NWD2: variants seen among roughly 807,000 people sequenced by gnomAD.
NWD2 encodes the protein NACHT and WD repeat domain-containing protein 2.
A neutral mutation model predicts 132.7 loss-of-function variants in NWD2; 37 were observed. That is an observed-to-expected ratio of 0.28 (90% CI 0.21 to 0.37). The LOEUF (loss-of-function observed/expected upper bound fraction) is 0.37, where lower values mean the gene tolerates loss of function less well. Among genes scored for constraint, NWD2 ranks in the 10% least tolerant of loss-of-function variants. The pLI is 1.00. For missense variants in NWD2, 1,592 were observed against 2,122.4 expected (o/e 0.75, Z 4.91); for synonymous variants, 705 against 803.0 (o/e 0.88, Z 2.06).
Position 37,443,827 on chromosome 4 carries a change from G to A in NWD2, c.1839G>A (p.Val613=), listed in dbSNP as rs1452268380. ...ALSKCTLPMF[V]NLTFREVRHW... is the part of the protein sequence containing the mutation. ...CCAAGTGCACACTGCCAATGTTTGT[G>A]AACCTGACCTTCAGGGAGGTGAGGC... The change falls in exon 7 of 7, where the codon GTG becomes GTA. Residue 613 remains valine, a synonymous_variant. Coordinates refer to ENST00000309447, the MANE Select transcript of NWD2 (RefSeq NM_001144990.2). The surrounding 1 kb of genome is among the most constrained non-coding windows in gnomAD (Gnocchi z 4.1). 1.9e-6 allele frequency: 3 copies of A among 1,552,058 alleles called. No homozygotes were observed. The highest frequency in any genetic ancestry group is 2.0e-5 in the Admixed American group (1 of 50,986).
chr4:37,421,937 A>G lies in NWD2; in HGVS notation c.358-8635A>G, dbSNP rs1364728591. ...GAGGGCTGTCTTTCAGACTAGAATAAGGACCATCTTCTCGCTGTGTCCTCA... is the reference window on the plus strand; with the variant it reads ...GAGGGCTGTCTTTCAGACTAGAATAGGGACCATCTTCTCGCTGTGTCCTCA... On this transcript the variant is annotated intron_variant, in intron 3 of 6. Coordinates refer to ENST00000309447, the MANE Select transcript of NWD2 (RefSeq NM_001144990.2). 2.6e-5 allele frequency among the ~76,000 whole-genome samples: 4 copies of G among 152,200 alleles called. No individual in the cohort carries two copies. In the South Asian group the frequency reaches 8.3e-4, roughly 32 times the overall value.
chr4:37,397,033 C>CA (rs11298140), intron 3 of NWD2, among the ~76,000 whole-genome samples: 237 of 149,326 alleles, frequency 1.6e-3, no homozygotes, highest in African/African-American at 5.5e-3. Flanking sequence ...AACTCTGTTG[C>CA]AAAAAAAAAA....
At position 37,398,235 on chromosome 4, in the gene NWD2, T is replaced by G. The variant is rs185670976; in HGVS notation, c.358-32337T>G. Among the ~76,000 whole-genome samples the G allele has an allele frequency of 5.5e-3, 832 of 152,218 alleles. 4 individuals carry two copies. The highest frequency in any genetic ancestry group is 7.5e-3 in the Non-Finnish European group (507 of 68,018). ...AACTTATCCAGGGTCATAAACAAAA[T>G]GTGGCACATATACACCATGGAATAC... On this transcript the variant is annotated intron_variant, in intron 3 of 6. Coordinates refer to ENST00000309447, the MANE Select transcript of NWD2 (RefSeq NM_001144990.2).
rs567881077 is a variant in NWD2 at position 37,446,471 on chromosome 4, G to T, written c.4483G>T (p.Val1495Leu). 31 of 1,551,568 alleles carry T rather than the reference G, an allele frequency of 2.0e-5. No individual in the cohort carries two copies. The highest frequency in any genetic ancestry group is 1.8e-4 in the South Asian group (15 of 84,060). Residue 1495 changes from valine to leucine, a missense_variant, in exon 7 of 7, where the codon GTG becomes TTG. This residue lies in a region of NWD2 where 257 missense variants were observed against 335.0 expected (regional missense o/e 0.77). Coordinates refer to ENST00000309447, the MANE Select transcript of NWD2 (RefSeq NM_001144990.2). This position sits in a 1 kb window ranked among gnomAD's most constrained non-coding sequence, Gnocchi z 6.7. ...KLIPDCPDII[V>L]FITSAETVNI... ...AATCCCTGACTGTCCTGATATCATCGTGTTTATCACATCGGCCGAGACTGT... is the reference window on the plus strand; with the variant it reads ...AATCCCTGACTGTCCTGATATCATCTTGTTTATCACATCGGCCGAGACTGT...
At chr4:37,324,932 C>G (rs1719140191) in intron 1 of NWD2, among the ~76,000 whole-genome samples, 2 of 152,126 alleles carry the variant, frequency 1.3e-5, no homozygotes, top group South Asian at 4.1e-4. Flanking sequence ...AAACGGTTAT[C>G]TTTGTTATAA....
Position 37,445,652 on chromosome 4 carries a change from G to T in NWD2, c.3664G>T (p.Val1222Leu), listed in dbSNP as rs1712613665. The T allele has an allele frequency of 6.4e-7, 1 of 1,552,266 alleles. No individual in the cohort carries two copies. Among genetic ancestry groups the T allele is most frequent in the Non-Finnish European group, 8.7e-7 (1 of 1,147,134 alleles). The change falls in exon 7 of 7, where the codon GTG becomes TTG. Residue 1222 changes from valine (V) to leucine (L), a missense_variant. Val to Leu is a conservative substitution (Grantham distance 32). This residue lies in a region of NWD2 where 1,071 missense variants were observed against 1,398.0 expected (regional missense o/e 0.77). Transcript: ENST00000309447. This position sits in a 1 kb window ranked among gnomAD's most constrained non-coding sequence, Gnocchi z 4.7. The stretch of plus-strand genomic sequence containing the variant: ...GCTCTTAGATACTGGTCTGTGGAAG[G>T]TGGCTGAAAAGTTCAGAGCCAAGCA... The part of the protein sequence containing the change: ...IELLDTGLWK[V>L]AEKFRAKHNE...
chr4:37,441,675 C>G (rs1712487709), intron 6 of NWD2, among the ~76,000 whole-genome samples: 1 of 152,212 alleles, frequency 6.6e-6, no homozygotes, highest in South Asian at 2.1e-4. Context: ...CTGAGTCTGT[C>G]TATTGACTAT....
At position 37,325,847 on chromosome 4, in the gene NWD2, G is replaced by C. The variant is rs911368385; in HGVS notation, c.152-89G>C. 1.6e-5 allele frequency: 12 copies of C among 729,256 alleles called. No homozygotes were observed. The African/African-American group carries it at 2.0e-4, about 12-fold the overall frequency. The allele number at this position is 729,256 out of a possible 1,614,324, so 45.2% of individuals were successfully genotyped here. ...AGCACCTCAACTTGATTGTATTACT[G>C]TTAGTATTTATTTTTAGGTTTTCAT... On this transcript the variant is annotated intron_variant, in intron 1 of 6. Transcript: ENST00000309447.
Position 37,443,613 on chromosome 4 carries a change from T to G in NWD2, c.1625T>G (p.Val542Gly). 1 of 1,551,880 alleles carries G rather than the reference T, an allele frequency of 6.4e-7. No individual in the cohort carries two copies. Among genetic ancestry groups the G allele is most frequent in the Admixed American group, 2.0e-5 (1 of 50,996 alleles). Residue 542 changes from valine (V) to glycine (G), a missense_variant, in exon 7 of 7, where the codon GTC (valine) becomes GGC (glycine). Val to Gly is a moderately radical substitution (Grantham distance 109). Transcript: ENST00000309447. The surrounding 1 kb of genome is among the most constrained non-coding windows in gnomAD (Gnocchi z 4.1). ...CACCTGCCCCGCTTTGTCCGGATAG[T>G]CCTTTCCACGCTGCCCAACAAACAT... The part of the protein sequence containing the change: ...PAHLPRFVRI[V>G]LSTLPNKHGI...
rs1712428493 is a variant in NWD2, at chr4:37,439,626, T to C, written c.1296+236T>C. 6.6e-6 allele frequency among the ~76,000 whole-genome samples: 1 copy of C among 152,204 alleles called. No homozygotes were observed. Among genetic ancestry groups the C allele is most frequent in the South Asian group, 2.1e-4 (1 of 4,830 alleles). ...TTTTTTCTTTCACTGTTCAGACTCATGTTGTGGGCTAGTTCCCATCCCTCA... is the reference window on the plus strand; with the variant it reads ...TTTTTTCTTTCACTGTTCAGACTCACGTTGTGGGCTAGTTCCCATCCCTCA... On this transcript the variant is annotated intron_variant, in intron 6 of 6. Coordinates refer to ENST00000309447, the MANE Select transcript of NWD2 (RefSeq NM_001144990.2). This position sits in a 1 kb window ranked among gnomAD's most constrained non-coding sequence, Gnocchi z 4.5.
chr4:37,444,121 C>G lies in NWD2; in HGVS notation c.2133C>G (p.Leu711=). ...TACCTTACTTGTACATTGCAAGGCT[C>G]AAGGAGGGTCTCAGTGGATACCTAA... ...LRVPYLYIAR[L]KEGLSGYLIE... Residue 711 remains leucine (L), a synonymous_variant, in exon 7 of 7, where the codon CTC becomes CTG. Coordinates refer to ENST00000309447, the MANE Select transcript of NWD2 (RefSeq NM_001144990.2). This position sits in a 1 kb window ranked among gnomAD's most constrained non-coding sequence, Gnocchi z 4.8. 6.4e-7 allele frequency: 1 copy of G among 1,551,702 alleles called. No homozygotes were observed. The highest frequency in any genetic ancestry group is 8.7e-7 in the Non-Finnish European group (1 of 1,146,992).
chr4:37,427,804 A>G (rs1712049592), intron 3 of NWD2, among the ~76,000 whole-genome samples: 1 of 152,108 alleles, frequency 6.6e-6, no homozygotes, highest in African/African-American at 2.4e-5. Flanking sequence ...GAGATGGCTT[A>G]TGTGCTAAGG....
intron 3 of NWD2, among the ~76,000 whole-genome samples, chr4:37,408,064 C>CA (rs1278892367): frequency 6.6e-6 from 1 of 152,216 alleles, no homozygotes; most frequent in Non-Finnish European, 1.5e-5. Context: ...TCTACTCCAT[C>CA]AGGGCCCTGG....
At chr4:37,378,045 T>C (rs1457577751) in intron 3 of NWD2, among the ~76,000 whole-genome samples, 1 of 152,222 alleles carries the variant, frequency 6.6e-6, no homozygotes, top group Non-Finnish European at 1.5e-5. Context: ...AAATTAATCA[T>C]TAAACATTTT....
intron 3 of NWD2, among the ~76,000 whole-genome samples, chr4:37,367,225 A>T (rs949700127): frequency 6.6e-6 from 1 of 152,316 alleles, no homozygotes; most frequent in Middle Eastern, 3.4e-3. Context: ...ACCGTTCTAA[A>T]TAAACTATGG....
chr4:37,441,443 C>T (rs1209861308), intron 6 of NWD2, among the ~76,000 whole-genome samples: 3 of 152,162 alleles, frequency 2.0e-5, no homozygotes, highest in Admixed American at 2.0e-4. Context: ...AGCATACAGG[C>T]CGCTGGAGGA....
At chr4:37,307,994 T>A (rs1434264260) in intron 1 of NWD2, among the ~76,000 whole-genome samples, 4 of 152,192 alleles carry the variant, frequency 2.6e-5, no homozygotes, top group Admixed American at 6.5e-5. Flanking sequence ...TCATTCAGAT[T>A]ATGAATTGTT....
intron 3 of NWD2, among the ~76,000 whole-genome samples, chr4:37,363,842 G>A (rs184546741): frequency 7.5e-4 from 114 of 152,260 alleles, no homozygotes; most frequent in Admixed American, 1.1e-3. Flanking sequence ...AAAAGCAGAC[G>A]GCCGGGCGCA....
chr4:37,379,383 C>T (rs1243379808), intron 3 of NWD2, among the ~76,000 whole-genome samples: 2 of 152,108 alleles, frequency 1.3e-5, no homozygotes, highest in East Asian at 1.9e-4. Context: ...CAAACAGAGA[C>T]ACAGAGAGGT....
Sources: gnomAD v4.1 joint callset for allele counts (sites outside exome capture counted in the v4.1 genomes callset) on GRCh38, gnomAD v4.1.1 for gene constraint, gnomAD v4.1.1 regional missense constraint, Gnocchi (gnomAD v3.1) non-coding constraint, MANE v1.5 for transcripts, NCBI Gene and HGNC (gene_info 2026-07-23, HGNC 2026-07-21) for gene names.